CDH4: variants seen among roughly 807,000 people sequenced by gnomAD.
CDH4 encodes cadherin 4.
A neutral mutation model predicts 86.0 loss-of-function variants in CDH4; 33 were observed. The ratio of observed to expected loss-of-function variants is 0.38; its 90% CI spans 0.29 to 0.51. The LOEUF is 0.51. CDH4 is among the 20% of genes least tolerant of loss of function. The probability of loss-of-function intolerance (pLI) is 0.86; values close to 1 mark genes in which losing one functional copy is unlikely to be tolerated. For synonymous variants in CDH4, 555 were observed against 549.4 expected (o/e 1.01, Z -0.14); for missense variants, 1,114 against 1,307.4 (o/e 0.85, Z 2.28).
At chr20:61,353,685 C>T (rs2084728913) in intron 2 of CDH4, among the ~76,000 whole-genome samples, 1 of 53,464 alleles carries the variant, frequency 1.9e-5, no homozygotes, top group African/African-American at 7.6e-5. Context: ...TCCTCCTCCC[C>T]CTCCTCCTCC....
intron 2 of CDH4, among the ~76,000 whole-genome samples, chr20:61,460,813 G>A (rs1265336712): frequency 5.9e-5 from 9 of 152,220 alleles, no homozygotes; most frequent in Admixed American, 4.6e-4. Flanking sequence ...GCTTGAGAAG[G>A]TCATCCATGG....
chr20:61,929,889 A>C, intron 13 of CDH4, 47 bp downstream of exon 13: 1 of 1,485,798 alleles, frequency 6.7e-7, no homozygotes, highest in Non-Finnish European at 9.4e-7. Flanking sequence ...TGTGGGTATG[A>C]GTGCCCTGTC....
chr20:61,606,781 C>A (rs2086649063), intron 2 of CDH4, among the ~76,000 whole-genome samples: 1 of 152,236 alleles, frequency 6.6e-6, no homozygotes, highest in African/African-American at 2.4e-5. Context: ...GGAAACAAAG[C>A]AAATTTCTAA....
rs1354393244 is a variant in CDH4 at position 61,785,992 on chromosome 20, G to GT, written c.576+12814dup. On this transcript the variant is annotated intron_variant, in intron 4 of 15. Transcript: ENST00000614565. ...ATCCCAGGAGCCAGCTTGAGTCTGG[G>GT]TTTTCTCCCCTGTAAGTGGACTGTG... is the stretch of plus-strand genomic sequence containing the variant. Among the ~76,000 whole-genome samples the GT allele has an allele frequency of 4.6e-5, 7 of 152,154 alleles. No homozygotes were observed. The East Asian group carries it at 1.3e-3, about 29-fold the overall frequency.
chr20:61,564,755 A>T (rs546438562), intron 2 of CDH4, among the ~76,000 whole-genome samples: 4 of 152,290 alleles, frequency 2.6e-5, no homozygotes, highest in African/African-American at 4.8e-5. Context: ...TCCAGTGGAC[A>T]CGAGCTGGGA....
chr20:61,666,834 C>T (rs1202487667), intron 2 of CDH4, among the ~76,000 whole-genome samples: 1 of 152,234 alleles, frequency 6.6e-6, no homozygotes, highest in East Asian at 1.9e-4. Flanking sequence ...GTGAAAGAGG[C>T]ATGAATCCGA....
At chr20:61,923,809 T>C (rs994051031) in intron 10 of CDH4, 105 bp downstream of exon 10, 7 of 1,424,274 alleles carry the variant, frequency 4.9e-6, no homozygotes, top group Non-Finnish European at 6.6e-6. Flanking sequence ...TTCCCCCAGA[T>C]GGGTGGTCGG....
chr20:61,869,046 C>G (rs2146141545), intron 6 of CDH4, among the ~76,000 whole-genome samples: 1 of 152,362 alleles, frequency 6.6e-6, no homozygotes, highest in Non-Finnish European at 1.5e-5. Context: ...AGGAGCTCAA[C>G]TTATTGAATG....
intron 2 of CDH4, among the ~76,000 whole-genome samples, chr20:61,725,674 C>T (rs901010350): frequency 6.6e-6 from 1 of 152,028 alleles, no homozygotes; most frequent in African/African-American, 2.4e-5. Flanking sequence ...CCTGGACGCC[C>T]GTCAAGAGTC....
chr20:61,804,420 A>C (rs1980013594), intron 4 of CDH4, among the ~76,000 whole-genome samples: 1 of 152,164 alleles, frequency 6.6e-6, no homozygotes, highest in African/African-American at 2.4e-5. Flanking sequence ...CAGCCTCTGC[A>C]TCTGGCCTCG....
At chr20:61,669,550 G>A (rs988449627) in intron 2 of CDH4, among the ~76,000 whole-genome samples, 2 of 152,314 alleles carry the variant, frequency 1.3e-5, no homozygotes, top group Admixed American at 1.3e-4. Flanking sequence ...CAAGCCCAGA[G>A]GAAGTAAAGA....
intron 2 of CDH4, among the ~76,000 whole-genome samples, chr20:61,258,247 A>G (rs538313202): frequency 2.8e-4 from 41 of 145,066 alleles, no homozygotes; most frequent in African/African-American, 8.8e-4. Context: ...GGAGAATGGC[A>G]TGAAACCAGG....
intron 2 of CDH4, among the ~76,000 whole-genome samples, chr20:61,355,342 G>A (rs746395694): frequency 2.6e-5 from 4 of 152,198 alleles, no homozygotes; most frequent in African/African-American, 7.2e-5. Flanking sequence ...AAATGAGCAC[G>A]TGGCCAGTCA....
At chr20:61,387,449 C>G (rs1477078959) in intron 2 of CDH4, among the ~76,000 whole-genome samples, 3 of 148,978 alleles carry the variant, frequency 2.0e-5, no homozygotes, top group African/African-American at 7.7e-5. Flanking sequence ...CAGAGAAACA[C>G]ACAGCCACAC....
chr20:61,847,670 G>T lies in CDH4; in HGVS notation c.732+2847G>T, dbSNP rs555933686. Among the ~76,000 whole-genome samples the T allele has an allele frequency of 3.3e-5, 5 of 152,346 alleles. No homozygotes were observed. The South Asian group carries it at 1.0e-3, about 32-fold the overall frequency. On this transcript the variant is annotated intron_variant, in intron 5 of 15. Transcript: ENST00000614565. ...AGAAAAGAGGTTTATTTGGCTCACG[G>T]TTCTGCAGGCTGTACAGGAAGTATA... is the stretch of plus-strand genomic sequence containing the variant.
Position 61,417,323 on chromosome 20 carries a change from C to G in CDH4, c.169+162386C>G, listed in dbSNP as rs1385125096. 1.3e-5 allele frequency among the ~76,000 whole-genome samples: 2 copies of G among 151,976 alleles called. No individual in the cohort carries two copies. The highest frequency in any genetic ancestry group is 4.8e-5 in the African/African-American group (2 of 41,372). ...CATCTCCCTCTCCCTCCCTCTACCT[C>G]TCTTCTCTCTCCCCTCACCCCTAGC... On this transcript the variant is annotated intron_variant, in intron 2 of 15. Transcript: ENST00000614565. This position sits in a 1 kb window ranked among gnomAD's most constrained non-coding sequence, Gnocchi z 4.0.
intron 7 of CDH4, among the ~76,000 whole-genome samples, chr20:61,884,345 C>A (rs952673560): frequency 3.3e-5 from 5 of 152,238 alleles, no homozygotes; most frequent in Non-Finnish European, 7.3e-5. Flanking sequence ...CACGCAGCAA[C>A]CCGGACAGCT....
intron 2 of CDH4, among the ~76,000 whole-genome samples, chr20:61,687,804 A>G (rs527667574): frequency 1.2e-4 from 19 of 152,316 alleles, no homozygotes; most frequent in African/African-American, 4.3e-4. Context: ...CGCGGACTAC[A>G]ATTACAATGT....
intron 8 of CDH4, among the ~76,000 whole-genome samples, chr20:61,897,156 A>G (rs1985168265): frequency 6.6e-6 from 1 of 152,278 alleles, no homozygotes; most frequent in South Asian, 2.1e-4. Flanking sequence ...CCCATGAACG[A>G]AAGGTGGGGA....
Sources: gnomAD v4.1 joint callset for allele counts (sites outside exome capture counted in the v4.1 genomes callset) on GRCh38, gnomAD v4.1.1 for gene constraint, Gnocchi (gnomAD v3.1) non-coding constraint, MANE v1.5 for transcripts, NCBI Gene and HGNC (gene_info 2026-07-23, HGNC 2026-07-21) for gene names.